FANCD2: variants seen among roughly 807,000 people sequenced by gnomAD.
The protein encoded by FANCD2 is FA complementation group D2.
FANCD2 carries 131 observed loss-of-function variants against 192.3 expected under a neutral mutation model. The ratio of observed to expected loss-of-function variants is 0.68; its 90% confidence interval spans 0.59 to 0.79. FANCD2 has a LOEUF of 0.79. FANCD2 is among the 30% of genes least tolerant of loss of function. The pLI is 0.00. For missense variants in FANCD2, 1,508 were observed against 1,701.6 expected (o/e 0.89, Z 2.00); for synonymous variants, 524 against 612.5 (o/e 0.86, Z 2.13).
At position 10,074,590 on chromosome 3, in the gene FANCD2, C is replaced by G; in HGVS notation, c.2776C>G (p.Arg926Gly). The G allele has an allele frequency of 6.2e-7, 1 of 1,613,618 alleles. No individual in the cohort carries two copies. Among genetic ancestry groups the G allele is most frequent in the Non-Finnish European group, 8.5e-7 (1 of 1,179,742 alleles). ...LLLHNSHAFFRELDIEVFSIL... is the reference protein window; with the variant it reads ...LLLHNSHAFFGELDIEVFSIL... The stretch of plus-strand genomic sequence containing the variant: ...ACTACATAATTCCCATGCTTTTTTC[C>G]GAGAGCTGGACATTGAGGTCTTCTC... The change falls in exon 29 of 44, where the codon CGA becomes GGA. Residue 926 changes from arginine (R) to glycine (G), a missense_variant. Around this residue, in one of 5 missense-constraint regions of FANCD2, gnomAD observed 796 missense variants for 879.4 expected, o/e 0.91. Transcript: ENST00000675286.
chr3:10,065,811 C>T (rs2087703314), intron 24 of FANCD2, 53 bp from the exon 25 acceptor site: 1 of 1,168,062 alleles, frequency 8.6e-7, no homozygotes, highest in Non-Finnish European at 1.3e-6. Flanking sequence ...AGGCAACCTC[C>T]AGGTTTTATT....
In FANCD2 at chr3:10,094,362, G is replaced by A. The variant is rs147205530; in HGVS notation, c.3962G>A (p.Arg1321Gln). The A allele has an allele frequency of 3.0e-5, 48 of 1,612,508 alleles. No homozygotes were observed. Among genetic ancestry groups the A allele is most frequent in the Non-Finnish European group, 3.8e-5 (45 of 1,178,770 alleles). ...PLLDFSFRKH[R>Q]EDVLSLLETF... ...CTAGACTTCAGTTTTAGAAAACACC[G>A]GGTAAGAGCTAAGAGCAGAGAACAA... The change falls in exon 40 of 44, where the codon CGG becomes CAG. Residue 1321 changes from arginine (R) to glutamine (Q), a missense_variant and splice_region_variant. By Grantham distance (43) the Arg-to-Gln change is conservative (BLOSUM62 1). Coordinates refer to ENST00000675286, the MANE Select transcript of FANCD2 (RefSeq NM_001018115.3).
chr3:10,043,625 G>T (rs1395143716), intron 13 of FANCD2, 33 bp downstream of exon 13: 9 of 1,504,938 alleles, frequency 6.0e-6, no homozygotes, highest in Non-Finnish European at 8.3e-6. Context: ...TATCAAGGAG[G>T]AAATGAGTGG....
At chr3:10,098,921 C>T in intron 43 of FANCD2, 106 bp downstream of exon 43, 2 of 1,614,172 alleles carry the variant, frequency 1.2e-6, no homozygotes, top group South Asian at 2.2e-5. Flanking sequence ...TTGTCAAATG[C>T]TTCTATGCCC....
chr3:10,055,144 T>A (rs1461435826), intron 18 of FANCD2, among the ~76,000 whole-genome samples: 1 of 152,250 alleles, frequency 6.6e-6, no homozygotes, highest in Non-Finnish European at 1.5e-5. Context: ...CTATTTTATT[T>A]TATTTTTGAA....
chr3:10,067,050 A>AT (rs1318351081), intron 25 of FANCD2, among the ~76,000 whole-genome samples, 159 bp from the exon 26 acceptor site: 1 of 151,858 alleles, frequency 6.6e-6, no homozygotes, highest in Non-Finnish European at 1.5e-5. Context: ...TGGGCCAGAG[A>AT]TTTTTTTTCT....
chr3:10,065,476 G>A lies in FANCD2; in HGVS notation c.2251G>A (p.Glu751Lys), dbSNP rs1559389326. ...GAGACAGCATAACGGAAACTTGGAG[G>A]AGATTGATGGTCTACTAGGTATGGG... ...VERQHNGNLE[E>K]IDGLLDCPIF... is the part of the protein sequence containing the mutation. The change falls in exon 24 of 44, where the codon GAG becomes AAG. Residue 751 changes from glutamate (E) to lysine (K), a missense_variant. By Grantham distance (56) the Glu-to-Lys change is moderately conservative. Around this residue, in one of 5 missense-constraint regions of FANCD2, gnomAD observed 796 missense variants for 879.4 expected, o/e 0.91. Transcript: ENST00000675286. 1 of 1,609,620 alleles carries A rather than the reference G, an allele frequency of 6.2e-7. No individual in the cohort carries two copies. Among genetic ancestry groups the A allele is most frequent in the Non-Finnish European group, 8.5e-7 (1 of 1,175,932 alleles).
intron 34 of FANCD2, among the ~76,000 whole-genome samples, chr3:10,087,934 A>G (rs945151046): frequency 6.6e-6 from 1 of 152,238 alleles, no homozygotes; most frequent in South Asian, 2.1e-4. Context: ...GACGTGAGCC[A>G]CTGTGCCCAG....
intron 30 of FANCD2, among the ~76,000 whole-genome samples, chr3:10,079,006 C>T (rs1437908669): frequency 1.3e-5 from 2 of 151,786 alleles, no homozygotes; most frequent in East Asian, 2.0e-4. Context: ...GTTGGAAGGC[C>T]GAGGCAGGTG....
chr3:10,039,771 G>A lies in FANCD2; in HGVS notation c.621G>A (p.Leu207=). The change falls in exon 9 of 44, where the codon CTG becomes CTA. Residue 207 remains leucine, a synonymous_variant. Transcript: ENST00000675286. ...MQLISIAPEN[L]QHDIITSLPE... ...TGATCAGTATTGCTCCAGAGAACCT[G>A]CAGCATGACATCATCACCAGCCTAC... The A allele has an allele frequency of 6.2e-7, 1 of 1,613,906 alleles. No individual in the cohort carries two copies. The highest frequency in any genetic ancestry group is 1.3e-5 in the African/African-American group (1 of 74,930).
Position 10,101,503 on chromosome 3 carries a change from A to G in FANCD2, c.*241A>G. The G allele has an allele frequency of 4.2e-6, 2 of 474,946 alleles. No homozygotes were observed. The highest frequency in any genetic ancestry group is 7.7e-6 in the Non-Finnish European group (2 of 260,458). 29.4% of individuals were successfully genotyped at this position (474,946 alleles called of 1,614,324 possible). On this transcript the variant is annotated 3_prime_UTR_variant, in exon 44 of 44. Coordinates refer to ENST00000675286, the MANE Select transcript of FANCD2 (RefSeq NM_001018115.3). ...TAGGTTCAAGCGATTCTCCTGCCTC[A>G]GCCTCCTGAGTAGCTGGGACGACAG...
Position 10,087,268 on chromosome 3 carries a change from A to G in FANCD2, c.3466+4A>G, listed in dbSNP as rs879212226. The G allele has an allele frequency of 7.7e-7, 1 of 1,306,662 alleles. No homozygotes were observed. Among genetic ancestry groups the G allele is most frequent in the Non-Finnish European group, 1.1e-6 (1 of 930,348 alleles). The allele number at this position is 1,306,662 out of a possible 1,614,324, so 80.9% of individuals were successfully genotyped here. On this transcript the variant is annotated splice_donor_region_variant and intron_variant, in intron 34 of 43. Transcript: ENST00000675286. ...GCTCAGAACAAAGAAAAAATTGGTG[A>G]TGGGCCTAGATCCTTTTTTTTTTTT...
At chr3:10,032,657 A>G (rs113622283) in intron 2 of FANCD2, among the ~76,000 whole-genome samples, 175 bp from the exon 3 acceptor site, 1 of 151,740 alleles carries the variant, frequency 6.6e-6, no homozygotes, top group Admixed American at 6.6e-5. Context: ...AAATAATTCT[A>G]TTTGTTTGTT....
chr3:10,061,639 G>A (rs1347923986), intron 19 of FANCD2, among the ~76,000 whole-genome samples: 1 of 152,076 alleles, frequency 6.6e-6, no homozygotes, highest in Non-Finnish European at 1.5e-5. Context: ...CTAATTAAGT[G>A]CTTCCTCTAA....
rs774752444 is a variant in FANCD2, at chr3:10,048,098, AAATAATCTG to A, written c.1413+49_1413+57del. The A allele has an allele frequency of 1.6e-5, 25 of 1,612,636 alleles. No homozygotes were observed. The Middle Eastern group carries it at 9.9e-4, about 64-fold the overall frequency. On this transcript the variant is annotated intron_variant, in intron 16 of 43. Transcript: ENST00000675286. ...GGCAAGGAGGGAACACAGAAAGGGA[AAATAATCTG>A]ATGTTTATTTCTTGTTGGTTGGAAC...
chr3:10,063,473 CAGAG>C (rs1223170760), intron 20 of FANCD2, among the ~76,000 whole-genome samples: 34 of 152,260 alleles, frequency 2.2e-4, no homozygotes, highest in Admixed American at 1.1e-3. Context: ...AGAGAGAAAA[CAGAG>C]AGCCTTGCAT....
In FANCD2 at chr3:10,072,887, C is replaced by G. The variant is rs780958816; in HGVS notation, c.2511C>G (p.Val837=). The G allele has an allele frequency of 1.0e-5, 16 of 1,601,522 alleles. No individual in the cohort carries two copies. Among genetic ancestry groups the G allele is most frequent in the Non-Finnish European group, 1.4e-5 (16 of 1,169,542 alleles). The change falls in exon 27 of 44, where the codon GTC becomes GTG. Residue 837 remains valine (V), a synonymous_variant. Coordinates refer to ENST00000675286, the MANE Select transcript of FANCD2 (RefSeq NM_001018115.3). ...TTGTTTCAGTCACCCCAGACTATGT[C>G]CCTCCTCTTGGAAACTTTGATGTGG... ...EKYLAVTPDY[V]PPLGNFDVET... is the part of the protein sequence containing the mutation.
intron 41 of FANCD2, among the ~76,000 whole-genome samples, chr3:10,095,770 A>G (rs563768666): frequency 2.0e-5 from 3 of 152,320 alleles, no homozygotes; most frequent in East Asian, 3.9e-4. Flanking sequence ...CTGAATGAAC[A>G]CAGAACCCTA....
rs192502709 is a variant in FANCD2 at position 10,030,377 on chromosome 3, G to A, written c.64+1656G>A. 5.3e-5 allele frequency among the ~76,000 whole-genome samples: 8 copies of A among 151,424 alleles called. No homozygotes were observed. In the East Asian group the frequency reaches 1.2e-3, roughly 22 times the overall value. ...CTCCCAAAGTGCTGGGATATCGGACGTGAGCCACCATGCCTGGCCTCATTA... is the reference window on the plus strand; with the variant it reads ...CTCCCAAAGTGCTGGGATATCGGACATGAGCCACCATGCCTGGCCTCATTA... On this transcript the variant is annotated intron_variant, in intron 2 of 43. Coordinates refer to ENST00000675286, the MANE Select transcript of FANCD2 (RefSeq NM_001018115.3).
Sources: gnomAD v4.1 joint callset for allele counts (sites outside exome capture counted in the v4.1 genomes callset) on GRCh38, gnomAD v4.1.1 for gene constraint, gnomAD v4.1.1 regional missense constraint, MANE v1.5 for transcripts, NCBI Gene and HGNC (gene_info 2026-07-23, HGNC 2026-07-21) for gene names.